DMRT1: variants seen among roughly 807,000 people sequenced by gnomAD.
DMRT1 encodes the protein doublesex and mab-3 related transcription factor 1, also known as doublesex- and mab-3-related transcription factor 1.
A neutral mutation model predicts 32.3 loss-of-function variants in DMRT1; 7 were observed. That is an observed-to-expected ratio of 0.22 (90% CI 0.12 to 0.41). DMRT1 has a LOEUF of 0.41. Ranked by LOEUF, DMRT1 falls within the 10% of genes least tolerant of loss-of-function variation. The pLI, the probability that DMRT1 is intolerant of heterozygous loss-of-function variation, is 1.00. For synonymous variants in DMRT1, 278 were observed against 206.1 expected (o/e 1.35, Z -2.99); for missense variants, 625 against 500.5 (o/e 1.25, Z -2.37).
intron 3 of DMRT1, among the ~76,000 whole-genome samples, chr9:900,376 C>T (rs1053019520): frequency 6.6e-6 from 1 of 152,102 alleles, no homozygotes; most frequent in Non-Finnish European, 1.5e-5. Context: ...CACTGCCCCC[C>T]CTTTTTTTGT....
chr9:893,673 A>T (rs1475368287), intron 2 of DMRT1, among the ~76,000 whole-genome samples: 1 of 152,230 alleles, frequency 6.6e-6, no homozygotes, highest in Non-Finnish European at 1.5e-5. Context: ...AATCACCTCT[A>T]AAATGGTTTT....
intron 2 of DMRT1, among the ~76,000 whole-genome samples, chr9:872,360 CA>C (rs1441746546): frequency 6.6e-6 from 1 of 152,188 alleles, no homozygotes; most frequent in East Asian, 1.9e-4. Flanking sequence ...TGCGCCCGGC[CA>C]AAACTCACTA....
intron 4 of DMRT1, among the ~76,000 whole-genome samples, chr9:960,376 A>G (rs953717311): frequency 4.6e-5 from 7 of 152,214 alleles, no homozygotes; most frequent in African/African-American, 1.7e-4. Flanking sequence ...ATGTTTAATA[A>G]AAATCCTATT....
At chr9:884,207 G>A (rs1396518998) in intron 2 of DMRT1, among the ~76,000 whole-genome samples, 1 of 152,080 alleles carries the variant, frequency 6.6e-6, no homozygotes, top group Non-Finnish European at 1.5e-5. Flanking sequence ...AGGGGGGCAA[G>A]CCTTCACCCA....
At chr9:862,698 C>T (rs112164628) in intron 2 of DMRT1, among the ~76,000 whole-genome samples, 9,195 of 152,044 alleles carry the variant, frequency 0.06, 331 homozygotes, top group Middle Eastern at 0.092. Flanking sequence ...AAGGCTGGGA[C>T]GGGAAGTCTA....
At chr9:884,048 T>C (rs977091358) in intron 2 of DMRT1, among the ~76,000 whole-genome samples, 8 of 152,168 alleles carry the variant, frequency 5.3e-5, no homozygotes, top group Non-Finnish European at 8.8e-5. Flanking sequence ...GTTTACTGTT[T>C]GTAAATGGTA....
intron 2 of DMRT1, among the ~76,000 whole-genome samples, chr9:854,231 C>T (rs1429253673): frequency 1.3e-5 from 2 of 152,086 alleles, no homozygotes; most frequent in African/African-American, 2.4e-5. Flanking sequence ...ATCCTCCTGC[C>T]TCAGCCTCCC....
Position 842,114 on chromosome 9 carries a change from G to A in DMRT1, c.276G>A (p.Lys92=), listed in dbSNP as rs1220180080. Reference sequence around the variant, plus strand: ...ACGCCTCGCCGCTCAAGGGCCACAAGCGCTTCTGCATGTGGCGCGACTGCC... The same window carrying A: ...ACGCCTCGCCGCTCAAGGGCCACAAACGCTTCTGCATGTGGCGCGACTGCC... The part of the protein sequence containing the change: ...HGYASPLKGH[K]RFCMWRDCQC... The change falls in exon 1 of 5, where the codon AAG becomes AAA. Residue 92 remains lysine, a synonymous_variant. Transcript: ENST00000382276. 4 of 1,548,762 alleles carry A rather than the reference G, an allele frequency of 2.6e-6. No homozygotes were observed. Among genetic ancestry groups the A allele is most frequent in the Middle Eastern group, 1.7e-4 (1 of 5,834 alleles).
intron 4 of DMRT1, among the ~76,000 whole-genome samples, chr9:967,729 G>A (rs1030470643): frequency 3.3e-5 from 5 of 152,148 alleles, no homozygotes; most frequent in Admixed American, 6.5e-5. Flanking sequence ...TTTAATGAAC[G>A]TTAAACTGGA....
intron 4 of DMRT1, among the ~76,000 whole-genome samples, chr9:958,616 C>A (rs1819671518): frequency 6.6e-6 from 1 of 152,244 alleles, no homozygotes; most frequent in African/African-American, 2.4e-5. Flanking sequence ...ATCCACCCGC[C>A]TGGACCTCCT....
intron 2 of DMRT1, among the ~76,000 whole-genome samples, chr9:868,450 G>A (rs1469306603): frequency 1.3e-5 from 2 of 152,162 alleles, no homozygotes; most frequent in African/African-American, 4.8e-5. Flanking sequence ...TAGAATAAAA[G>A]TGAAGAGCTG....
rs564395809 is a variant in DMRT1 at position 842,038 on chromosome 9, G to A, written c.200G>A (p.Ser67Asn). ...GGGGCGTCGGACCTGGGTGCCGGGA[G>A]CAAGAAGTCCCCGCGGCTGCCCAAG... The part of the protein sequence containing the change: ...GSGASDLGAG[S>N]KKSPRLPKCA... The change falls in exon 1 of 5, where the codon AGC becomes AAC. Residue 67 changes from serine (S) to asparagine (N), a missense_variant. By Grantham distance (46) the Ser-to-Asn change is conservative. Transcript: ENST00000382276. 3.9e-6 allele frequency: 6 copies of A among 1,546,778 alleles called. No individual in the cohort carries two copies. The highest frequency in any genetic ancestry group is 5.2e-6 in the Non-Finnish European group (6 of 1,148,960).
At chr9:893,739 G>A (rs1219039501) in intron 2 of DMRT1, among the ~76,000 whole-genome samples, 173 bp from the exon 3 acceptor site, 15 of 152,242 alleles carry the variant, frequency 9.9e-5, no homozygotes, top group African/African-American at 3.6e-4. Flanking sequence ...CCAGAGTGAA[G>A]CGAACCTTAG....
intron 4 of DMRT1, among the ~76,000 whole-genome samples, chr9:955,903 C>T (rs1819584014): frequency 6.6e-6 from 1 of 152,152 alleles, no homozygotes; most frequent in Non-Finnish European, 1.5e-5. Context: ...GATGGAATTA[C>T]CATACGGTCC....
chr9:967,179 G>T (rs1362793621), intron 4 of DMRT1, among the ~76,000 whole-genome samples: 1 of 152,186 alleles, frequency 6.6e-6, no homozygotes, highest in Non-Finnish European at 1.5e-5. Context: ...TCTGGGGGTG[G>T]ATCTAAACTC....
Position 870,070 on chromosome 9 carries a change from T to C in DMRT1, c.538+22927T>C, listed in dbSNP as rs73639457. Among the ~76,000 whole-genome samples, 849 of 152,304 alleles carry C rather than the reference T, an allele frequency of 5.6e-3. 9 individuals carry two copies. The highest frequency in any genetic ancestry group is 0.02 in the African/African-American group (811 of 41,568). ...AGCTTTCTCTTAGAAGTTGACCTTT[T>C]GGGGGCAAATTACTGTGACTATTCA... On this transcript the variant is annotated intron_variant, in intron 2 of 4. Transcript: ENST00000382276.
chr9:964,269 G>A (rs1450381511), intron 4 of DMRT1, among the ~76,000 whole-genome samples: 1 of 151,976 alleles, frequency 6.6e-6, no homozygotes, highest in Non-Finnish European at 1.5e-5. Context: ...TGGTTAGATG[G>A]CATCAAAATC....
At chr9:900,600 A>C (rs1437850546) in intron 3 of DMRT1, among the ~76,000 whole-genome samples, 2 of 152,118 alleles carry the variant, frequency 1.3e-5, no homozygotes, top group African/African-American at 4.8e-5. Flanking sequence ...TATGATGAAC[A>C]AATATGATTT....
chr9:966,734 T>A (rs916412409), intron 4 of DMRT1, among the ~76,000 whole-genome samples: 1 of 152,214 alleles, frequency 6.6e-6, no homozygotes, highest in African/African-American at 2.4e-5. Flanking sequence ...GTGTAAATAG[T>A]GTTCAGTTGT....
Sources: allele counts gnomAD v4.1 joint callset (sites outside exome capture counted in the v4.1 genomes callset), GRCh38; gene constraint gnomAD v4.1.1; transcripts MANE v1.5; gene names NCBI Gene and HGNC (gene_info 2026-07-23, HGNC 2026-07-21).